The following WWC2 variants were observed in gnomAD, a reference collection of about 807,000 sequenced individuals.
WWC2 encodes WW and C2 domain containing 2, also known as protein WWC2.
Under a neutral mutation model 138.5 loss-of-function variants are expected in WWC2, and 101 were observed. The observed-to-expected ratio is 0.73, with a 90% CI of 0.62 to 0.86. WWC2 has a LOEUF of 0.86. Among genes scored for constraint, WWC2 ranks in the 40% least tolerant of loss-of-function variants. The pLI, the probability that WWC2 is intolerant of heterozygous loss-of-function variation, is 0.00. For missense variants in WWC2, 1,420 were observed against 1,419.4 expected (o/e 1.00, Z -0.01); for synonymous variants, 558 against 538.4 (o/e 1.04, Z -0.50).
At chr4:183,296,343 G>C (rs569981201) in intron 21 of WWC2, among the ~76,000 whole-genome samples, 1 of 152,300 alleles carries the variant, frequency 6.6e-6, no homozygotes, top group East Asian at 1.9e-4. Flanking sequence ...GCTCAGAACT[G>C]CCCAGGAATA....
rs772177062 is a variant in WWC2, at chr4:183,240,219, C to G, written c.559C>G (p.Gln187Glu). The G allele has an allele frequency of 1.7e-5, 26 of 1,552,516 alleles. 1 individual carries two copies. The South Asian group carries it at 3.0e-4, about 18-fold the overall frequency. Residue 187 changes from glutamine to glutamate, a missense_variant, in exon 5 of 23, where the codon CAG becomes GAG. Gln to Glu is a conservative substitution (Grantham distance 29). Transcript: ENST00000403733. ...AAAGAGAGAGCTCTCACAGATGAAG[C>G]AGGAACTGCTCTATAAAGAACAAGG... ...KLKRELSQMKQELLYKEQGFE... is the reference protein window; with the variant it reads ...KLKRELSQMKEELLYKEQGFE...
At chr4:183,276,480 A>T (rs1294389532) in intron 16 of WWC2, among the ~76,000 whole-genome samples, 1 of 151,958 alleles carries the variant, frequency 6.6e-6, no homozygotes, top group African/African-American at 2.4e-5. Context: ...CCTGGAGATT[A>T]TAGCATGAGT....
At chr4:183,143,563 T>C (rs1733364801) in intron 1 of WWC2, among the ~76,000 whole-genome samples, 2 of 152,220 alleles carry the variant, frequency 1.3e-5, no homozygotes, top group Non-Finnish European at 2.9e-5. Flanking sequence ...ATCCCAGCAC[T>C]TTGGGAGGCT....
At chr4:183,175,959 C>G (rs888158219) in intron 1 of WWC2, among the ~76,000 whole-genome samples, 3 of 152,240 alleles carry the variant, frequency 2.0e-5, no homozygotes, top group African/African-American at 7.2e-5. Flanking sequence ...CTCACTTCAC[C>G]TTGCATACTT....
rs1302858638 is a variant in WWC2 at position 183,317,394 on chromosome 4, A to C, written c.*1665A>C. Reference sequence around the variant, plus strand: ...GAAGACATAACTGGACATGGCAGACACTGCTTTGAACAAAAACCAGCCTAG... The same window carrying C: ...GAAGACATAACTGGACATGGCAGACCCTGCTTTGAACAAAAACCAGCCTAG... On this transcript the variant is annotated 3_prime_UTR_variant, in exon 23 of 23. Transcript: ENST00000403733. 1.3e-5 allele frequency: 2 copies of C among 152,634 alleles called. No individual in the cohort carries two copies. Among genetic ancestry groups the C allele is most frequent in the African/African-American group, 4.8e-5 (2 of 41,456 alleles). The allele number at this position is 152,634 out of a possible 1,614,324, so 9.5% of individuals were successfully genotyped here.
At chr4:183,153,022 A>G (rs1049239867) in intron 1 of WWC2, among the ~76,000 whole-genome samples, 16 of 152,298 alleles carry the variant, frequency 1.1e-4, no homozygotes, top group Non-Finnish European at 1.5e-4. Flanking sequence ...CAGCCTCCGC[A>G]GTAGCTGGGA....
In WWC2 at chr4:183,319,087, C is replaced by T. The variant is rs1249089955; in HGVS notation, c.*3358C>T. 1.9e-5 allele frequency: 3 copies of T among 157,614 alleles called. No homozygotes were observed. The highest frequency in any genetic ancestry group is 7.2e-5 in the African/African-American group (3 of 41,460). The allele number at this position is 157,614 out of a possible 1,614,324, so 9.8% of individuals were successfully genotyped here. A position where few individuals can be genotyped will look rare whatever the true frequency, so the allele number is the denominator to read the frequency against. ...TCAGAAGGAGATGATGTGTCTACAC[C>T]TTTCACCTCTGAAGCTTCTAAAGAG... On this transcript the variant is annotated 3_prime_UTR_variant, in exon 23 of 23. Transcript: ENST00000403733.
At chr4:183,188,025 C>A (rs1337097071) in intron 1 of WWC2, among the ~76,000 whole-genome samples, 1 of 152,074 alleles carries the variant, frequency 6.6e-6, no homozygotes, top group Middle Eastern at 3.2e-3. Flanking sequence ...TCTTTCCTTT[C>A]TGAAAAAATT....
chr4:183,231,414 C>G (rs1021150858), intron 4 of WWC2, among the ~76,000 whole-genome samples: 1 of 150,784 alleles, frequency 6.6e-6, no homozygotes, highest in African/African-American at 2.4e-5. Flanking sequence ...GGATTACAGG[C>G]GGGTACCACC....
In WWC2 at chr4:183,295,506, C is replaced by G. The variant is rs141904542; in HGVS notation, c.3384+5871C>G. ...GCTTGGCCATGTGAGGGCCCCTGCC[C>G]TGTCCTCAGGGAACCCTTGGTCCAG... On this transcript the variant is annotated intron_variant, in intron 21 of 22. Transcript: ENST00000403733. Among the ~76,000 whole-genome samples, 464 of 152,342 alleles carry G rather than the reference C, an allele frequency of 3.0e-3. 2 individuals carry two copies. Among genetic ancestry groups the G allele is most frequent in the African/African-American group, 0.01 (424 of 41,586 alleles).
intron 2 of WWC2, among the ~76,000 whole-genome samples, chr4:183,200,113 ACT>A (rs1383560363): frequency 6.6e-6 from 1 of 152,024 alleles, no homozygotes; most frequent in Admixed American, 6.6e-5. Context: ...CTTCCCACTG[ACT>A]CTCTTGTAAT....
At chr4:183,262,597 A>G (rs2111360978) in intron 11 of WWC2, among the ~76,000 whole-genome samples, 1 of 152,368 alleles carries the variant, frequency 6.6e-6, no homozygotes, top group East Asian at 1.9e-4. Flanking sequence ...AGGGCCCATG[A>G]GACATTTGTG....
chr4:183,134,658 A>G (rs534817084), intron 1 of WWC2, among the ~76,000 whole-genome samples: 2 of 151,824 alleles, frequency 1.3e-5, no homozygotes. Context: ...TAGTTTGTGA[A>G]TTTTTTCACA....
At position 183,253,986 on chromosome 4, in the gene WWC2, G is replaced by A. The variant is rs1176985489; in HGVS notation, c.1183G>A (p.Ala395Thr). The change falls in exon 9 of 23, where the codon GCT (alanine) becomes ACT (threonine). Residue 395 changes from alanine to threonine, a missense_variant. Coordinates refer to ENST00000403733, the MANE Select transcript of WWC2 (RefSeq NM_024949.6). ...GTCTGTGAGGGGAACACCAAGCAGA[G>A]CTCTGGCCGAGAGGTTTGTTTTCCT... ...LLSVRGTPSR[A>T]LAERLRLEER... 3.1e-6 allele frequency: 5 copies of A among 1,613,230 alleles called. No homozygotes were observed. The highest frequency in any genetic ancestry group is 2.2e-5 in the East Asian group (1 of 44,872).
chr4:183,148,947 G>A (rs563796489), intron 1 of WWC2, among the ~76,000 whole-genome samples: 6 of 150,400 alleles, frequency 4.0e-5, no homozygotes, highest in African/African-American at 7.3e-5. Flanking sequence ...TTTTTTTTTC[G>A]TAATTGGAGT....
At chr4:183,178,581 TA>T (rs75621020) in intron 1 of WWC2, among the ~76,000 whole-genome samples, 1,580 of 129,766 alleles carry the variant, frequency 0.012, 18 homozygotes, top group African/African-American at 0.029. Flanking sequence ...CCAGTCTCTT[TA>T]AAAAAAAAAA....
At chr4:183,190,870 A>G (rs554247393) in intron 1 of WWC2, among the ~76,000 whole-genome samples, 4 of 152,282 alleles carry the variant, frequency 2.6e-5, no homozygotes, top group East Asian at 3.9e-4. Flanking sequence ...ATAACTTCCT[A>G]TTCTTAAAGT....
At position 183,287,408 on chromosome 4, in the gene WWC2, C is replaced by G. The variant is rs1738295771; in HGVS notation, c.3141+1349C>G. Among the ~76,000 whole-genome samples, 2 of 152,242 alleles carry G rather than the reference C, an allele frequency of 1.3e-5. 1 individual carries two copies. The highest frequency in any genetic ancestry group is 4.1e-4 in the South Asian group (2 of 4,826). ...TTTCTAAGTCACCTGCCTTCTTAAG[C>G]AGCTCATACTCTCAGGGGATAGTTT... On this transcript the variant is annotated intron_variant, in intron 20 of 22. Coordinates refer to ENST00000403733, the MANE Select transcript of WWC2 (RefSeq NM_024949.6).
chr4:183,157,811 A>G (rs371799612), intron 1 of WWC2, among the ~76,000 whole-genome samples: 1 of 17,890 alleles, frequency 5.6e-5, no homozygotes, highest in East Asian at 1.9e-3. Flanking sequence ...GTGTCACTTA[A>G]TTTTTTTTTT....
Sources: gnomAD v4.1 joint callset for allele counts (sites outside exome capture counted in the v4.1 genomes callset) on GRCh38, gnomAD v4.1.1 for gene constraint, MANE v1.5 for transcripts, NCBI Gene and HGNC (gene_info 2026-07-23, HGNC 2026-07-21) for gene names.